ITGA1: variants seen among roughly 807,000 people sequenced by gnomAD.
The protein encoded by ITGA1 is integrin alpha-1.
ITGA1 carries 85 observed loss-of-function variants against 145.9 expected under a neutral mutation model. The ratio of observed to expected loss-of-function variants is 0.58; its 90% CI spans 0.49 to 0.70. The LOEUF (loss-of-function observed/expected upper bound fraction) is 0.70, where lower values mean the gene tolerates loss of function less well. ITGA1 is among the 30% of genes least tolerant of loss of function. The pLI is 0.00. For missense variants in ITGA1, 1,351 were observed against 1,418.7 expected (o/e 0.95, Z 0.77); for synonymous variants, 520 against 495.3 (o/e 1.05, Z -0.66).
At chr5:52,794,548 G>C (rs574757104) in intron 1 of ITGA1, among the ~76,000 whole-genome samples, 12 of 143,354 alleles carry the variant, frequency 8.4e-5, no homozygotes, top group Non-Finnish European at 1.5e-4. Context: ...TCTGTTCATA[G>C]GATTTTGTTT....
chr5:52,838,242 A>G (rs937267207), intron 1 of ITGA1, among the ~76,000 whole-genome samples: 6 of 152,206 alleles, frequency 3.9e-5, no homozygotes, highest in African/African-American at 1.4e-4. Flanking sequence ...TTTTAGTTTA[A>G]GTGGCAGTGT....
In ITGA1 at chr5:52,910,211, G is replaced by A; in HGVS notation, c.1649G>A (p.Cys550Tyr). 6.2e-7 allele frequency: 1 copy of A among 1,613,814 alleles called. No individual in the cohort carries two copies. The highest frequency in any genetic ancestry group is 2.2e-5 in the East Asian group (1 of 44,878). ...CTGGAACCTATTAAGCAGACGTGCT[G>A]TTCATCTCGGCAGCACAATTCATGC... The part of the protein sequence containing the change: ...MSLEPIKQTC[C>Y]SSRQHNSCTT... The change falls in exon 14 of 29, where the codon TGT (cysteine) becomes TAT (tyrosine). Residue 550 changes from cysteine to tyrosine, a missense_variant. Transcript: ENST00000282588.
At chr5:52,810,537 A>T (rs1160532709) in intron 1 of ITGA1, among the ~76,000 whole-genome samples, 1 of 152,218 alleles carries the variant, frequency 6.6e-6, no homozygotes, top group Non-Finnish European at 1.5e-5. Context: ...TATGAGGAGG[A>T]ATGAACTCTG....
chr5:52,944,614 C>T (rs548205979), intron 26 of ITGA1, among the ~76,000 whole-genome samples: 2 of 152,298 alleles, frequency 1.3e-5, no homozygotes, highest in East Asian at 1.9e-4. Flanking sequence ...TAAACTTCAT[C>T]ACCAGAATGT....
Position 52,893,756 on chromosome 5 carries a change from G to A in ITGA1, c.1006G>A (p.Glu336Lys). The A allele has an allele frequency of 6.2e-7, 1 of 1,613,024 alleles. No homozygotes were observed. The highest frequency in any genetic ancestry group is 8.5e-7 in the Non-Finnish European group (1 of 1,179,234). Residue 336 changes from glutamate (E) to lysine (K), a missense_variant, in exon 9 of 29, where the codon GAA becomes AAA. Coordinates refer to ENST00000282588, the MANE Select transcript of ITGA1 (RefSeq NM_181501.2). ...AAAATCAATTGCAAGTGAACCCACT[G>A]AAAAGCATTTCTTCAATGTCTCTGA... The part of the protein sequence containing the change: ...EIKSIASEPT[E>K]KHFFNVSDEL...
intron 6 of ITGA1, among the ~76,000 whole-genome samples, chr5:52,878,341 G>A (rs1369694267): frequency 1.3e-5 from 2 of 152,132 alleles, no homozygotes; most frequent in Non-Finnish European, 2.9e-5. Flanking sequence ...TAGAAGCCAG[G>A]CACATATTGG....
intron 3 of ITGA1, 125 bp from the exon 4 acceptor site, chr5:52,864,638 T>C: frequency 4.7e-6 from 3 of 633,452 alleles, no homozygotes. Context: ...GAAGACTAAT[T>C]AGTTGAACCA....
intron 14 of ITGA1, among the ~76,000 whole-genome samples, chr5:52,911,215 T>A (rs1345554030): frequency 7.4e-6 from 1 of 135,816 alleles, no homozygotes; most frequent in Non-Finnish European, 1.5e-5. Flanking sequence ...TAATATATAG[T>A]GTATATATAG....
chr5:52,863,048 A>G (rs1003350763), intron 3 of ITGA1, among the ~76,000 whole-genome samples: 1 of 152,024 alleles, frequency 6.6e-6, no homozygotes, highest in Non-Finnish European at 1.5e-5. Flanking sequence ...TTGTCTTGTA[A>G]TTTTGGATCA....
chr5:52,903,508 A>G (rs1750349172), intron 11 of ITGA1: 1 of 152,218 alleles, frequency 6.6e-6, no homozygotes, highest in East Asian at 1.9e-4. Flanking sequence ...GAATATTCAT[A>G]AAGGATAATA....
Position 52,910,381 on chromosome 5 carries a change from C to T in ITGA1, c.1819C>T (p.His607Tyr). 1 of 1,613,682 alleles carries T rather than the reference C, an allele frequency of 6.2e-7. No individual in the cohort carries two copies. Among genetic ancestry groups the T allele is most frequent in the Non-Finnish European group, 8.5e-7 (1 of 1,179,798 alleles). Residue 607 changes from histidine (H) to tyrosine (Y), a missense_variant, in exon 14 of 29, where the codon CAT becomes TAT. His to Tyr is a moderately conservative substitution (Grantham distance 83, BLOSUM62 2). Transcript: ENST00000282588. ...TCACGGGGGAGCTGTGTACATTTAT[C>T]ATGGAAGTGGCAAGACTATAAGGAA... is the stretch of plus-strand genomic sequence containing the variant. ...DDHGGAVYIYHGSGKTIRKEY... is the reference protein window; with the variant it reads ...DDHGGAVYIYYGSGKTIRKEY...
At chr5:52,869,432 A>G (rs1390642810) in intron 6 of ITGA1, among the ~76,000 whole-genome samples, 2 of 152,206 alleles carry the variant, frequency 1.3e-5, no homozygotes, top group Non-Finnish European at 2.9e-5. Flanking sequence ...AGGTGCTGGG[A>G]TTACAGGCTT....
At chr5:52,945,636 A>T in intron 27 of ITGA1, among the ~76,000 whole-genome samples, 2 of 152,302 alleles carry the variant, frequency 1.3e-5, no homozygotes, top group South Asian at 4.1e-4. Flanking sequence ...CTAAAAAAAT[A>T]AAATAAAATA....
intron 1 of ITGA1, among the ~76,000 whole-genome samples, chr5:52,822,488 C>T (rs1002292794): frequency 6.6e-6 from 1 of 152,232 alleles, no homozygotes; most frequent in African/African-American, 2.4e-5. Context: ...CTCATAGAGG[C>T]ATCTGCATTG....
rs191083970 is a variant in ITGA1, at chr5:52,846,969, A to T, written c.62-2396A>T. Among the ~76,000 whole-genome samples, 6 of 152,316 alleles carry T rather than the reference A, an allele frequency of 3.9e-5. No individual in the cohort carries two copies. The East Asian group carries it at 1.2e-3, about 29-fold the overall frequency. On this transcript the variant is annotated intron_variant, in intron 1 of 28. Coordinates refer to ENST00000282588, the MANE Select transcript of ITGA1 (RefSeq NM_181501.2). Reference sequence around the variant, plus strand: ...TTCTTCCTTCAACATGTTATCTGTCAGTCTGAAAATATGTTACTGCCCATC... The same window carrying T: ...TTCTTCCTTCAACATGTTATCTGTCTGTCTGAAAATATGTTACTGCCCATC...
At chr5:52,800,627 C>G (rs755880743) in intron 1 of ITGA1, 10 of 1,613,962 alleles carry the variant, frequency 6.2e-6, no homozygotes, top group Non-Finnish European at 8.5e-6. Flanking sequence ...GACTCTCAAG[C>G]CTGCCAGCTG....
intron 2 of ITGA1, among the ~76,000 whole-genome samples, chr5:52,856,486 A>G (rs1395123173): frequency 2.0e-5 from 3 of 152,244 alleles, no homozygotes; most frequent in South Asian, 4.1e-4. Flanking sequence ...CCCATCCACT[A>G]TAAAAACACC....
intron 11 of ITGA1, chr5:52,904,287 A>G (rs1207049090): frequency 6.6e-6 from 1 of 152,204 alleles, no homozygotes; most frequent in East Asian, 1.9e-4. Flanking sequence ...CCCAAGATAC[A>G]CTGGCTCTGT....
Position 52,959,142 on chromosome 5 carries a change from A to G in ITGA1, c.*6691A>G, listed in dbSNP as rs1751344069. 1 of 152,132 alleles carries G rather than the reference A, an allele frequency of 6.6e-6. No individual in the cohort carries two copies. Among genetic ancestry groups the G allele is most frequent in the Non-Finnish European group, 1.5e-5 (1 of 68,004 alleles). The allele number at this position is 152,132 out of a possible 1,614,324, so 9.4% of individuals were successfully genotyped here. ...GTCTTATCTGGTGCATCAGCTGTGT[A>G]TTTTACGTCAAGGTAAATGAGCATC... On this transcript the variant is annotated 3_prime_UTR_variant, in exon 29 of 29. Transcript: ENST00000282588.
Sources: allele counts gnomAD v4.1 joint callset (sites outside exome capture counted in the v4.1 genomes callset), GRCh38; gene constraint gnomAD v4.1.1; transcripts MANE v1.5; gene names NCBI Gene and HGNC (gene_info 2026-07-23, HGNC 2026-07-21).